Variants in YARS2 observed in about 807,000 individuals in gnomAD.
YARS2 encodes the protein tyrosine--tRNA ligase, mitochondrial.
A neutral mutation model predicts 45.0 loss-of-function variants in YARS2; 38 were observed. The ratio of observed to expected loss-of-function variants is 0.84; its 90% CI spans 0.65 to 1.11. YARS2 has a LOEUF of 1.11. YARS2 is among the 50% of genes least tolerant of loss of function. The pLI is 0.00. For missense variants in YARS2, 602 were observed against 599.8 expected, an observed-to-expected ratio of 1.00 and a Z score of -0.04; for synonymous variants, 287 against 245.1, an observed-to-expected ratio of 1.17 and a Z score of -1.60.
rs1483535877 is a variant in YARS2 at position 32,755,833 on chromosome 12, C to T, written c.42G>A (p.Trp14Ter). The T allele has an allele frequency of 6.2e-7, 1 of 1,613,288 alleles. No individual in the cohort carries two copies. Among genetic ancestry groups the T allele is most frequent in the African/African-American group, 1.3e-5 (1 of 74,956 alleles). The change falls in exon 1 of 5, where the codon TGG (tryptophan) becomes TGA (stop). Residue 14 changes from tryptophan (W) to a stop codon, truncating the protein, a stop_gained. Coordinates refer to ENST00000324868, the MANE Select transcript of YARS2 (RefSeq NM_001040436.3). LOFTEE classifies it high-confidence loss of function. Reference protein sequence around the residue: ...PILRSFSWGRWSGTLNLSVLL... With the variant: ...PILRSFSWGR The stretch of plus-strand genomic sequence containing the variant: ...ATACTGAGAGATTTAGGGTACCAGA[C>T]CACCGGCCCCAGGAAAAGGACCGCA...
In YARS2 at chr12:32,755,630, G is replaced by C; in HGVS notation, c.245C>G (p.Pro82Arg). The part of the protein sequence containing the change: ...FPQTIYCGFD[P>R]TADSLHVGHL... ...ACCCACATGAAGCGAGTCTGCCGTG[G>C]GGTCGAAGCCACAGTAAATGGTTTG... The change falls in exon 1 of 5, where the codon CCC (proline) becomes CGC (arginine). Residue 82 changes from proline to arginine, a missense_variant. Transcript: ENST00000324868. 1 of 1,614,206 alleles carries C rather than the reference G, an allele frequency of 6.2e-7. No homozygotes were observed. Among genetic ancestry groups the C allele is most frequent in the Non-Finnish European group, 8.5e-7 (1 of 1,180,020 alleles).
intron 2 of YARS2, 36 bp from the exon 3 acceptor site, chr12:32,750,910 A>G: frequency 6.2e-7 from 1 of 1,610,776 alleles, no homozygotes; most frequent in South Asian, 1.1e-5. Flanking sequence ...CACTTATATA[A>G]CATACCTAAT....
At chr12:32,752,008 G>C (rs1362830474) in intron 2 of YARS2, among the ~76,000 whole-genome samples, 1 of 152,142 alleles carries the variant, frequency 6.6e-6, no homozygotes, top group East Asian at 1.9e-4. Context: ...GTACAGTAAT[G>C]TGCTGTATGT....
chr12:32,749,100 A>G (rs1955692183), intron 4 of YARS2, among the ~76,000 whole-genome samples: 1 of 152,256 alleles, frequency 6.6e-6, no homozygotes. Context: ...TTACAATAAT[A>G]GTCTTATGAC....
rs922099259 is a variant in YARS2, at chr12:32,750,960, T to G, written c.948-86A>C. ...CTTCTACCCTTTAAGGTTATCCTGC[T>G]TACTTTTAAATATGAAACAAACATA... On this transcript the variant is annotated intron_variant, in intron 2 of 4. Coordinates refer to ENST00000324868, the MANE Select transcript of YARS2 (RefSeq NM_001040436.3). The G allele has an allele frequency of 3.4e-6, 5 of 1,491,500 alleles. No homozygotes were observed. In the South Asian group the frequency reaches 4.7e-5, roughly 14 times the overall value. The allele number at this position is 1,491,500 out of a possible 1,614,324, so 92.4% of individuals were successfully genotyped here. A position where few individuals can be genotyped will look rare whatever the true frequency, so the allele number is the denominator to read the frequency against.
chr12:32,747,489 G>T (rs969705902), intron 4 of YARS2, 126 bp from the exon 5 acceptor site: 15 of 914,370 alleles, frequency 1.6e-5, no homozygotes, highest in Non-Finnish European at 2.6e-5. Flanking sequence ...GCACTGGACT[G>T]TTACCTTCAT....
At chr12:32,751,261 G>C (rs978126032) in intron 2 of YARS2, among the ~76,000 whole-genome samples, 3 of 151,710 alleles carry the variant, frequency 2.0e-5, no homozygotes, top group Admixed American at 2.0e-4. Context: ...TAAAGACGGG[G>C]TCTCCTGTGT....
At position 32,750,002 on chromosome 12, in the gene YARS2, G is replaced by C. The variant is rs375828447; in HGVS notation, c.1209C>G (p.Leu403=). 8.7e-6 allele frequency: 14 copies of C among 1,613,938 alleles called. No individual in the cohort carries two copies. The highest frequency in any genetic ancestry group is 1.3e-5 in the African/African-American group (1 of 74,872). Residue 403 remains leucine, a synonymous_variant, in exon 4 of 5, where the codon CTC becomes CTG. Coordinates refer to ENST00000324868, the MANE Select transcript of YARS2 (RefSeq NM_001040436.3). ...FKEAPFSEFF[L]DPGTSVLDTC... Reference sequence around the variant, plus strand: ...TATCTAGGACACTTGTTCCAGGATCGAGAAAAAATTCAGAAAATGGAGCTT... The same window carrying C: ...TATCTAGGACACTTGTTCCAGGATCCAGAAAAAATTCAGAAAATGGAGCTT...
chr12:32,751,199 C>T (rs1040159972), intron 2 of YARS2, among the ~76,000 whole-genome samples: 7 of 151,454 alleles, frequency 4.6e-5, no homozygotes, highest in African/African-American at 1.5e-4. Flanking sequence ...CCCAAGCAGC[C>T]GGGACCACAG....
chr12:32,752,202 C>T (rs1315348760), intron 2 of YARS2, among the ~76,000 whole-genome samples: 3 of 152,252 alleles, frequency 2.0e-5, no homozygotes, highest in South Asian at 4.1e-4. Flanking sequence ...TATATGTATT[C>T]TCTTTTTCTT....
Position 32,755,767 on chromosome 12 carries a change from C to G in YARS2, c.108G>C (p.Gln36His), listed in dbSNP as rs1955836672. The change falls in exon 1 of 5, where the codon CAG (glutamine) becomes CAC (histidine). Residue 36 changes from glutamine to histidine, a missense_variant. Transcript: ENST00000324868. The stretch of plus-strand genomic sequence containing the variant: ...GAGCCTTCTGCGCTGCCAGTAACCC[C>G]TGAGCGCCCGAGTGGGCCTTACGCA... Reference protein sequence around the residue: ...LGLRKAHSGAQGLLAAQKARG... With the variant: ...LGLRKAHSGAHGLLAAQKARG... 3 of 1,613,978 alleles carry G rather than the reference C, an allele frequency of 1.9e-6. No individual in the cohort carries two copies. The highest frequency in any genetic ancestry group is 1.7e-6 in the Non-Finnish European group (2 of 1,180,004).
rs185770511 is a variant in YARS2 at position 32,748,835 on chromosome 12, G to A, written c.1274+1102C>T. ...TATAACAAATGTCATTCATAATCAT[G>A]GCCATGATATGGCCGATAACCATTT... On this transcript the variant is annotated intron_variant, in intron 4 of 4. Coordinates refer to ENST00000324868, the MANE Select transcript of YARS2 (RefSeq NM_001040436.3). Among the ~76,000 whole-genome samples the A allele has an allele frequency of 1.2e-4, 19 of 152,322 alleles. No homozygotes were observed. The East Asian group carries it at 3.1e-3, about 25-fold the overall frequency.
Position 32,746,999 on chromosome 12 carries a change from G to T in YARS2, c.*205C>A. The stretch of plus-strand genomic sequence containing the variant: ...TGGTTTTCTATGGTAATCAAGCTTT[G>T]TACATCAGAAAATAAAACATCCCAT... On this transcript the variant is annotated 3_prime_UTR_variant, in exon 5 of 5. Transcript: ENST00000324868. The T allele has an allele frequency of 7.3e-6, 4 of 550,078 alleles. No homozygotes were observed. The East Asian group carries it at 9.5e-5, about 13-fold the overall frequency. The allele number at this position is 550,078 out of a possible 1,614,324, so 34.1% of individuals were successfully genotyped here.
At chr12:32,753,410 AAAGAATTAT>A (rs1955786351) in intron 2 of YARS2, among the ~76,000 whole-genome samples, 1 of 152,242 alleles carries the variant, frequency 6.6e-6, no homozygotes, top group African/African-American at 2.4e-5. Context: ...TTTAAGTCTT[AAAGAATTAT>A]TCCTAGATTA....
At chr12:32,751,350 G>C (rs1029160518) in intron 2 of YARS2, among the ~76,000 whole-genome samples, 1 of 151,962 alleles carries the variant, frequency 6.6e-6, no homozygotes, top group Admixed American at 6.6e-5. Flanking sequence ...TTATGGGCAG[G>C]AGCCACCAAG....
In YARS2 at chr12:32,755,165, C is replaced by A; in HGVS notation, c.710G>T (p.Gly237Val). 1.2e-6 allele frequency: 2 copies of A among 1,614,212 alleles called. No individual in the cohort carries two copies. Among genetic ancestry groups the A allele is most frequent in the Non-Finnish European group, 1.7e-6 (2 of 1,180,048 alleles). Residue 237 changes from glycine to valine, a missense_variant, in exon 1 of 5, where the codon GGA (glycine) becomes GTA (valine). Gly to Val is a moderately radical substitution (Grantham distance 109). Transcript: ENST00000324868. ...AGATCCGCCCAGCTGGACCCTGCAT[C>A]CATAACGCTGGAAGAGGTAATAGAA... is the stretch of plus-strand genomic sequence containing the variant. The part of the protein sequence containing the change: ...YDFYYLFQRY[G>V]CRVQLGGSDQ...
chr12:32,751,724 C>T (rs1200028030), intron 2 of YARS2, among the ~76,000 whole-genome samples: 5 of 152,156 alleles, frequency 3.3e-5, no homozygotes, highest in Admixed American at 2.6e-4. Flanking sequence ...AAAAGGAATG[C>T]GCAACCTAGA....
rs1955637341 is a variant in YARS2, at chr12:32,746,571, G to A, written c.*633C>T. ...AGACAGAGTTTCACTCACTACTCAT[G>A]CTGTCTCCCAGGCTGGAGTGCAGTG... On this transcript the variant is annotated 3_prime_UTR_variant, in exon 5 of 5. Transcript: ENST00000324868. The A allele has an allele frequency of 7.3e-6, 1 of 136,228 alleles. No individual in the cohort carries two copies. Among genetic ancestry groups the A allele is most frequent in the African/African-American group, 2.8e-5 (1 of 35,642 alleles). 8.4% of individuals were successfully genotyped at this position (136,228 alleles called of 1,614,324 possible).
chr12:32,752,740 C>CAAA (rs56907654), intron 2 of YARS2: 3,031 of 195,928 alleles, frequency 0.015, 34 homozygotes, highest in African/African-American at 0.026. Context: ...GACACTGCCT[C>CAAA]AAAAAAAAAA....
Sources: allele counts gnomAD v4.1 joint callset (sites outside exome capture counted in the v4.1 genomes callset), GRCh38; gene constraint gnomAD v4.1.1; transcripts MANE v1.5; gene names NCBI Gene and HGNC (gene_info 2026-07-23, HGNC 2026-07-21).